Variants in SLCO6A1 observed in about 807,000 individuals in gnomAD.
SLCO6A1 encodes the protein cancer/testis antigen 48.
Under a neutral mutation model 72.7 loss-of-function variants are expected in SLCO6A1, and 65 were observed. The observed-to-expected ratio is 0.89, with a 90% confidence interval of 0.73 to 1.10. The LOEUF is 1.10. SLCO6A1 is among the 50% of genes least tolerant of loss of function. The pLI is 0.00. For missense variants in SLCO6A1, 874 were observed against 872.6 expected (o/e 1.00, Z -0.02); for synonymous variants, 314 against 298.2 (o/e 1.05, Z -0.55).
chr5:102,439,494 C>T (rs942933023), intron 6 of SLCO6A1, among the ~76,000 whole-genome samples: 1 of 151,978 alleles, frequency 6.6e-6, no homozygotes, highest in Non-Finnish European at 1.5e-5. Flanking sequence ...CTTTTTCTGG[C>T]CCTAAACATC....
At chr5:102,437,108 A>T (rs1161336780) in intron 7 of SLCO6A1, among the ~76,000 whole-genome samples, 1 of 152,182 alleles carries the variant, frequency 6.6e-6, no homozygotes, top group Non-Finnish European at 1.5e-5. Context: ...AGCCATCTTT[A>T]TGATGAGAGT....
intron 6 of SLCO6A1, among the ~76,000 whole-genome samples, chr5:102,440,368 T>A (rs1390660463): frequency 6.6e-6 from 1 of 152,116 alleles, no homozygotes; most frequent in East Asian, 1.9e-4. Context: ...CAAACCCTAT[T>A]GTGAACTGCA....
At chr5:102,383,522 C>G (rs1008385313) in intron 12 of SLCO6A1, among the ~76,000 whole-genome samples, 2 of 151,604 alleles carry the variant, frequency 1.3e-5, no homozygotes, top group African/African-American at 4.8e-5. Context: ...GTTGAGCCAT[C>G]CTTGCACCTT....
chr5:102,441,983 T>G (rs1749860213), intron 6 of SLCO6A1, among the ~76,000 whole-genome samples: 1 of 152,124 alleles, frequency 6.6e-6, no homozygotes, highest in Non-Finnish European at 1.5e-5. Context: ...ACAAATGTTA[T>G]TTATTCATTT....
chr5:102,462,391 A>T (rs1751083394), intron 4 of SLCO6A1, among the ~76,000 whole-genome samples: 1 of 152,176 alleles, frequency 6.6e-6, no homozygotes, highest in African/African-American at 2.4e-5. Flanking sequence ...AACAATCCTA[A>T]AATTCACATG....
chr5:102,479,423 G>A (rs1752073330), intron 2 of SLCO6A1, among the ~76,000 whole-genome samples: 1 of 152,076 alleles, frequency 6.6e-6, no homozygotes, highest in African/African-American at 2.4e-5. Flanking sequence ...GACAAATACA[G>A]CTAGTCATTT....
At chr5:102,456,087 G>A (rs1750696290) in intron 6 of SLCO6A1, among the ~76,000 whole-genome samples, 1 of 152,088 alleles carries the variant, frequency 6.6e-6, no homozygotes, top group Non-Finnish European at 1.5e-5. Flanking sequence ...AATAAATTAG[G>A]TATTGATGGG....
intron 1 of SLCO6A1, among the ~76,000 whole-genome samples, chr5:102,481,137 T>C (rs1752171657): frequency 6.6e-6 from 1 of 152,224 alleles, no homozygotes; most frequent in Non-Finnish European, 1.5e-5. Context: ...TGGTTACTAA[T>C]CAAAATTCAT....
intron 12 of SLCO6A1, 74 bp downstream of exon 12, chr5:102,388,614 C>G: frequency 9.0e-7 from 1 of 1,107,532 alleles, no homozygotes; most frequent in Non-Finnish European, 1.2e-6. Context: ...AATTATAATT[C>G]TACATTACTA....
chr5:102,439,810 A>C (rs1165176688), intron 6 of SLCO6A1, among the ~76,000 whole-genome samples: 1 of 152,210 alleles, frequency 6.6e-6, no homozygotes, highest in Non-Finnish European at 1.5e-5. Flanking sequence ...AGGTTACACT[A>C]AAATGACTAT....
chr5:102,459,860 T>C (rs1394569719), intron 4 of SLCO6A1, 83 bp from the exon 5 acceptor site: 2 of 1,204,670 alleles, frequency 1.7e-6, no homozygotes, highest in African/African-American at 3.2e-5. Flanking sequence ...GTGGAGAAAG[T>C]GAGAGTGAGA....
Position 102,419,890 on chromosome 5 carries a change from C to G in SLCO6A1, c.1408G>C (p.Val470Leu). Reference sequence around the variant, plus strand: ...TTACAGCGTACAAAAATAATAAACACAAGCAGTATAAGTGATATCACAGAT... The same window carrying G: ...TTACAGCGTACAAAAATAATAAACAGAAGCAGTATAAGTGATATCACAGAT... ...VTSVISLILLVFIIFVRCNPV... is the reference protein window; with the variant it reads ...VTSVISLILLLFIIFVRCNPV... The change falls in exon 8 of 14, where the codon GTG becomes CTG. Residue 470 changes from valine to leucine, a missense_variant. Transcript: ENST00000506729. 6.2e-7 allele frequency: 1 copy of G among 1,606,678 alleles called. No individual in the cohort carries two copies.
intron 4 of SLCO6A1, among the ~76,000 whole-genome samples, chr5:102,461,135 G>A (rs986908840): frequency 1.3e-5 from 2 of 151,102 alleles, no homozygotes; most frequent in African/African-American, 2.4e-5. Flanking sequence ...ACCCGGAAGA[G>A]GTAGGGAAAT....
chr5:102,464,642 C>T (rs541128051), intron 4 of SLCO6A1, among the ~76,000 whole-genome samples: 65 of 152,198 alleles, frequency 4.3e-4, no homozygotes, highest in Non-Finnish European at 7.1e-4. Flanking sequence ...CAAGAGGAGA[C>T]AGAAGTTAAG....
chr5:102,497,180 A>G (rs919385361), intron 1 of SLCO6A1, among the ~76,000 whole-genome samples: 5 of 152,208 alleles, frequency 3.3e-5, no homozygotes, highest in African/African-American at 1.2e-4. Flanking sequence ...GCTGTGGTCA[A>G]GTAGAGAGGC....
intron 12 of SLCO6A1, among the ~76,000 whole-genome samples, chr5:102,375,629 A>G (rs1257977563): frequency 6.6e-6 from 1 of 152,194 alleles, no homozygotes; most frequent in East Asian, 1.9e-4. Context: ...AATAATAGTT[A>G]TGGTGAAACA....
In SLCO6A1 at chr5:102,387,225, G is replaced by T. The variant is rs139612484; in HGVS notation, c.2017+1463C>A. Among the ~76,000 whole-genome samples, 23 of 152,212 alleles carry T rather than the reference G, an allele frequency of 1.5e-4. 1 individual carries two copies. The East Asian group carries it at 3.9e-3, about 26-fold the overall frequency. On this transcript the variant is annotated intron_variant, in intron 12 of 13. Transcript: ENST00000506729. ...AGTGATTTTGAGTCATATAACCAAT[G>T]AAATATATTTAAAAATATACTGGCT... is the stretch of plus-strand genomic sequence containing the variant.
chr5:102,445,603 T>C (rs1561467363), intron 6 of SLCO6A1, among the ~76,000 whole-genome samples: 1 of 152,224 alleles, frequency 6.6e-6, no homozygotes, highest in Non-Finnish European at 1.5e-5. Flanking sequence ...CAATTTTTGT[T>C]TTTGTCATGA....
At chr5:102,461,110 T>C (rs1351258328) in intron 4 of SLCO6A1, among the ~76,000 whole-genome samples, 3 of 151,494 alleles carry the variant, frequency 2.0e-5, no homozygotes, top group Non-Finnish European at 1.5e-5. Flanking sequence ...ATTACATATG[T>C]GTGTATAATT....
Sources: allele counts gnomAD v4.1 joint callset (sites outside exome capture counted in the v4.1 genomes callset), GRCh38; gene constraint gnomAD v4.1.1; transcripts MANE v1.5; gene names NCBI Gene and HGNC (gene_info 2026-07-23, HGNC 2026-07-21).